Variants in KCTD17 observed in about 807,000 individuals in gnomAD.
KCTD17 encodes BTB/POZ domain-containing protein KCTD17.
Under a neutral mutation model 41.5 loss-of-function variants are expected in KCTD17, and 20 were observed. The observed-to-expected ratio is 0.48, with a 90% CI of 0.34 to 0.70. KCTD17 has a LOEUF of 0.70. Among genes scored for constraint, KCTD17 ranks in the 30% least tolerant of loss-of-function variants. The probability of loss-of-function intolerance (pLI) is 0.01; values close to 1 mark genes in which losing one functional copy is unlikely to be tolerated. For missense variants in KCTD17, 317 were observed against 427.2 expected, an observed-to-expected ratio of 0.74 and a Z score of 2.27; for synonymous variants, 156 against 173.8, an observed-to-expected ratio of 0.90 and a Z score of 0.80.
Position 37,051,824 on chromosome 22 carries a change from T to C in KCTD17, c.64T>C (p.Trp22Arg), listed in dbSNP as rs1924511751. 3 of 1,337,554 alleles carry C rather than the reference T, an allele frequency of 2.2e-6. No homozygotes were observed. The highest frequency in any genetic ancestry group is 6.4e-5 in the Admixed American group (2 of 31,012). 82.9% of individuals were successfully genotyped at this position (1,337,554 alleles called of 1,614,324 possible). A position where few individuals can be genotyped will look rare whatever the true frequency, so the allele number is the denominator to read the frequency against. ...AGAGGRAAGG[W>R]GKWVRLNVGG... is the part of the protein sequence containing the mutation. ...GGCGGGCGGCCGCGCCGCAGGCGGC[T>C]GGGGCAAGTGGGTGCGGCTCAACGT... is the stretch of plus-strand genomic sequence containing the variant. Residue 22 changes from tryptophan to arginine, a missense_variant, in exon 1 of 9, where the codon TGG becomes CGG. Trp to Arg is a moderately radical substitution (Grantham distance 101). This residue lies in a region of KCTD17 where 99 missense variants were observed against 166.5 expected (regional missense o/e 0.59). Transcript: ENST00000403888.
At chr22:37,058,557 G>A (rs183235525) in intron 4 of KCTD17, among the ~76,000 whole-genome samples, 81 of 152,334 alleles carry the variant, frequency 5.3e-4, no homozygotes, top group Middle Eastern at 3.4e-3. Flanking sequence ...TGGGATCCCC[G>A]ATGCCATTCC....
intron 2 of KCTD17, 79 bp from the exon 3 acceptor site, chr22:37,056,241 T>A (rs1601488383): frequency 2.4e-6 from 3 of 1,271,018 alleles, no homozygotes; most frequent in South Asian, 1.4e-5. Context: ...GAGAGGTGGG[T>A]TTCGGGGTGG....
At position 37,061,774 on chromosome 22, in the gene KCTD17, G is replaced by GA. The variant is rs914868056; in HGVS notation, c.875+146dup. On this transcript the variant is annotated intron_variant, in intron 8 of 8. Transcript: ENST00000403888. This position sits in a 1 kb window ranked among gnomAD's most constrained non-coding sequence, Gnocchi z 6.6. ...ACCTTGGCCTTGGGGGTGAGGCTCT[G>GA]AGAGGAGAAGAAAGTTAGGGAGTGG... 2.8e-6 allele frequency: 4 copies of GA among 1,434,428 alleles called. No homozygotes were observed. In the African/African-American group the frequency reaches 5.7e-5, roughly 20 times the overall value. The allele number at this position is 1,434,428 out of a possible 1,614,324, so 88.9% of individuals were successfully genotyped here. A position where few individuals can be genotyped will look rare whatever the true frequency, so the allele number is the denominator to read the frequency against.
In KCTD17 at chr22:37,056,346, A is replaced by C; in HGVS notation, c.325A>C (p.Asn109His). Residue 109 changes from asparagine to histidine, a missense_variant, in exon 3 of 9, where the codon AAC (asparagine) becomes CAC (histidine). Physicochemically the swap from Asn to His is moderately conservative, Grantham distance 68 (BLOSUM62 1). Around this residue, in one of 4 missense-constraint regions of KCTD17, gnomAD observed 99 missense variants for 166.5 expected, o/e 0.59. Transcript: ENST00000403888. The part of the protein sequence containing the change: ...EGVLEEAEFY[N>H]IGPLIRIIKD... ...GGTCCTGGAGGAAGCCGAGTTCTAC[A>C]ACATCGGCCCGCTGATCCGCATCAT... is the stretch of plus-strand genomic sequence containing the variant. 1 of 1,613,600 alleles carries C rather than the reference A, an allele frequency of 6.2e-7. No homozygotes were observed. The highest frequency in any genetic ancestry group is 1.1e-5 in the South Asian group (1 of 90,954).
intron 2 of KCTD17, among the ~76,000 whole-genome samples, chr22:37,054,558 T>C (rs533100169): frequency 1.3e-5 from 2 of 152,134 alleles, no homozygotes; most frequent in South Asian, 2.1e-4. Context: ...ATCCAGGGGA[T>C]AGGGGATCTG....
rs370524800 is a variant in KCTD17 at position 37,058,106 on chromosome 22, T to C, written c.486+613T>C. Among the ~76,000 whole-genome samples, 1,008 of 152,308 alleles carry C rather than the reference T, an allele frequency of 6.6e-3. 12 individuals carry two copies. The highest frequency in any genetic ancestry group is 0.023 in the African/African-American group (947 of 41,560). ...TAGTCATGCAGCTGACCTCCCACCT[T>C]TCAGGTTTCCAGAGGAGCAGAGCCA... On this transcript the variant is annotated intron_variant, in intron 4 of 8. Transcript: ENST00000403888.
intron 3 of KCTD17, among the ~76,000 whole-genome samples, chr22:37,056,968 C>A (rs1403681963): frequency 1.3e-5 from 2 of 152,050 alleles, no homozygotes; most frequent in African/African-American, 4.8e-5. Flanking sequence ...TAGTGAGGAA[C>A]CATTTCTCAG....
rs537449317 is a variant in KCTD17 at position 37,059,240 on chromosome 22, G to A, written c.487-73G>A. On this transcript the variant is annotated intron_variant, in intron 4 of 8. Coordinates refer to ENST00000403888, the MANE Select transcript of KCTD17 (RefSeq NM_001282684.2). ...GAGCTGGTATCTTGATTTGAGTGCC[G>A]AGGTCTGTCGTATCCTGCCCCACGG... The A allele has an allele frequency of 1.3e-4, 200 of 1,593,402 alleles. 1 individual carries two copies. In the East Asian group the frequency reaches 4.0e-3, roughly 32 times the overall value.
Position 37,056,313 on chromosome 22 carries a change from G to A in KCTD17, c.299-7G>A. On this transcript the variant is annotated splice_polypyrimidine_tract_variant and splice_region_variant and intron_variant, in intron 2 of 8. Coordinates refer to ENST00000403888, the MANE Select transcript of KCTD17 (RefSeq NM_001282684.2). ...GAGTGACCTGGGATCTGTTCTGTCT[G>A]TGCCAGGGGTCCTGGAGGAAGCCGA... 1 of 1,611,904 alleles carries A rather than the reference G, an allele frequency of 6.2e-7. No individual in the cohort carries two copies. Among genetic ancestry groups the A allele is most frequent in the Non-Finnish European group, 8.5e-7 (1 of 1,178,864 alleles).
intron 1 of KCTD17, chr22:37,052,523 G>C (rs1366240073): frequency 8.6e-6 from 4 of 467,818 alleles, no homozygotes; most frequent in African/African-American, 6.0e-5. Flanking sequence ...TCTGTAACAC[G>C]AAGGGCTGGT....
In KCTD17 at chr22:37,062,522, T is replaced by C. The variant is rs763745590; in HGVS notation, c.876-3T>C. 1.9e-6 allele frequency: 3 copies of C among 1,608,278 alleles called. No homozygotes were observed. The highest frequency in any genetic ancestry group is 1.3e-5 in the African/African-American group (1 of 74,294). On this transcript the variant is annotated splice_region_variant and splice_polypyrimidine_tract_variant and intron_variant, in intron 8 of 8. Coordinates refer to ENST00000403888, the MANE Select transcript of KCTD17 (RefSeq NM_001282684.2). Reference sequence around the variant, plus strand: ...TCCTGCCCTTCCCCTCTTTTTTTTCTAGCTGTTACAAGCCAGAGGCACCCG... The same window carrying C: ...TCCTGCCCTTCCCCTCTTTTTTTTCCAGCTGTTACAAGCCAGAGGCACCCG...
Position 37,061,562 on chromosome 22 carries a change from C to T in KCTD17, c.808C>T (p.Pro270Ser), listed in dbSNP as rs1925800286. Residue 270 changes from proline (P) to serine (S), a missense_variant, in exon 8 of 9, where the codon CCT becomes TCT. By Grantham distance (74) the Pro-to-Ser change is moderately conservative. Transcript: ENST00000403888. This position sits in a 1 kb window ranked among gnomAD's most constrained non-coding sequence, Gnocchi z 6.6. ...AGGTTCCCGTCCGCACCCTCTCAGA[C>T]CTGAGGCTGAGCTTGCAGTGAGGGC... ...AGGSRPHPLR[P>S]EAELAVRASP... 1 of 1,601,786 alleles carries T rather than the reference C, an allele frequency of 6.2e-7. No individual in the cohort carries two copies. Among genetic ancestry groups the T allele is most frequent in the African/African-American group, 1.3e-5 (1 of 74,934 alleles).
At position 37,062,773 on chromosome 22, in the gene KCTD17, G is replaced by C. The variant is rs1925948109; in HGVS notation, c.*179G>C. 7.4e-7 allele frequency: 1 copy of C among 1,353,460 alleles called. No homozygotes were observed. The highest frequency in any genetic ancestry group is 9.8e-7 in the Non-Finnish European group (1 of 1,023,636). The allele number at this position is 1,353,460 out of a possible 1,614,324, so 83.8% of individuals were successfully genotyped here. A position where few individuals can be genotyped will look rare whatever the true frequency, so the allele number is the denominator to read the frequency against. On this transcript the variant is annotated 3_prime_UTR_variant, in exon 9 of 9. Coordinates refer to ENST00000403888, the MANE Select transcript of KCTD17 (RefSeq NM_001282684.2). The stretch of plus-strand genomic sequence containing the variant: ...GTGGGCCCCAGGACCTCTGGGCAGA[G>C]TGGACTGCTCATGGCAGATGTGTGG...
chr22:37,052,235 G>A (rs1222156766), intron 1 of KCTD17: 2 of 442,908 alleles, frequency 4.5e-6, no homozygotes, highest in African/African-American at 4.0e-5. Flanking sequence ...TGGACAGGGA[G>A]AGACCTGGGA....
chr22:37,062,253 G>A (rs989927584), intron 8 of KCTD17: 46 of 984,954 alleles, frequency 4.7e-5, no homozygotes, highest in East Asian at 1.1e-4. Flanking sequence ...GTAGGTGGCC[G>A]CCACCGAGCC....
At chr22:37,056,982 CA>C (rs1395162695) in intron 3 of KCTD17, among the ~76,000 whole-genome samples, 3 of 152,038 alleles carry the variant, frequency 2.0e-5, no homozygotes, top group Non-Finnish European at 4.4e-5. Context: ...TTCTCAGGCC[CA>C]GGGGATTAAA....
intron 4 of KCTD17, among the ~76,000 whole-genome samples, chr22:37,059,043 G>A (rs979273317): frequency 3.3e-5 from 5 of 152,166 alleles, no homozygotes; most frequent in Admixed American, 6.5e-5. Context: ...TGGGGACAGC[G>A]GTAATGCTGC....
Position 37,063,304 on chromosome 22 carries a change from C to T in KCTD17, c.*710C>T, listed in dbSNP as rs889647264. ...TGGGTATGGCGGCTGAGCCAGGGGC[C>T]CTCCTGTGTTTGACTTCCCGGGATG... On this transcript the variant is annotated 3_prime_UTR_variant, in exon 9 of 9. Coordinates refer to ENST00000403888, the MANE Select transcript of KCTD17 (RefSeq NM_001282684.2). This position sits in a 1 kb window ranked among gnomAD's most constrained non-coding sequence, Gnocchi z 4.6. 1.3e-5 allele frequency: 2 copies of T among 152,276 alleles called. No homozygotes were observed. Among genetic ancestry groups the T allele is most frequent in the African/African-American group, 4.8e-5 (2 of 41,400 alleles). 9.4% of individuals were successfully genotyped at this position (152,276 alleles called of 1,614,324 possible).
chr22:37,051,977 G>C (rs1277577215), intron 1 of KCTD17, 28 bp downstream of exon 1: 14 of 1,409,864 alleles, frequency 9.9e-6, no homozygotes, highest in Non-Finnish European at 1.3e-5. Flanking sequence ...GGCGGCGAGC[G>C]GGCGGTGGGT....
Sources: gnomAD v4.1 joint callset for allele counts (sites outside exome capture counted in the v4.1 genomes callset) on GRCh38, gnomAD v4.1.1 for gene constraint, gnomAD v4.1.1 regional missense constraint, Gnocchi (gnomAD v3.1) non-coding constraint, MANE v1.5 for transcripts, NCBI Gene and HGNC (gene_info 2026-07-23, HGNC 2026-07-21) for gene names.